CCDC171: variants seen among roughly 807,000 people sequenced by gnomAD.
CCDC171 encodes coiled-coil domain-containing protein 171.
A neutral mutation model predicts 168.2 loss-of-function variants in CCDC171; 177 were observed. The ratio of observed to expected loss-of-function variants is 1.05; its 90% CI spans 0.93 to 1.19. CCDC171 has a LOEUF of 1.19. Among genes scored for constraint, CCDC171 ranks in the 50% most tolerant of loss-of-function variants. The probability of loss-of-function intolerance (pLI) is 0.00; values close to 1 mark genes in which losing one functional copy is unlikely to be tolerated. For missense variants in CCDC171, 1,991 were observed against 1,539.0 expected (o/e 1.29, Z -4.91); for synonymous variants, 687 against 540.8 (o/e 1.27, Z -3.75).
chr9:15,854,844 T>C (rs1464119821), intron 23 of CCDC171, among the ~76,000 whole-genome samples: 5 of 151,778 alleles, frequency 3.3e-5, no homozygotes, highest in Non-Finnish European at 7.4e-5. Context: ...CTTCATTGAC[T>C]TGTTATTTAA....
At chr9:16,077,737 T>C in the CCDC171 span, among the ~76,000 whole-genome samples, 1 of 152,164 alleles carries the variant, frequency 6.6e-6, no homozygotes, top group African/African-American at 2.4e-5. Context: ...ACTGAGATTG[T>C]TTTTGTGTGT....
chr9:15,996,020 G>C (rs553035347), intron 3 of CCDC171, among the ~76,000 whole-genome samples: 2 of 152,200 alleles, frequency 1.3e-5, no homozygotes, highest in Admixed American at 1.3e-4. Context: ...GTCCTATACA[G>C]TGGTCATTCC....
At chr9:16,039,343 T>C (rs552814851), upstream of CCDC171, among the ~76,000 whole-genome samples, 1 of 152,346 alleles carries the variant, frequency 6.6e-6, no homozygotes, top group South Asian at 2.1e-4. Flanking sequence ...ACTGCTGTTA[T>C]GTAACTTGGC....
chr9:15,924,845 C>A (rs1409888547), intron 25 of CCDC171, among the ~76,000 whole-genome samples: 2 of 151,484 alleles, frequency 1.3e-5, no homozygotes, highest in Non-Finnish European at 3.0e-5. Context: ...TCCTTTCCAT[C>A]CCTTTCAATT....
chr9:15,943,172 T>G (rs568169529), intron 25 of CCDC171, among the ~76,000 whole-genome samples: 1 of 152,074 alleles, frequency 6.6e-6, no homozygotes, highest in Non-Finnish European at 1.5e-5. Flanking sequence ...TTGTCTTTAT[T>G]GTCACTGATA....
Position 15,920,433 on chromosome 9 carries a change from G to C in CCDC171, c.3753+11G>C. 2 of 1,576,036 alleles carry C rather than the reference G, an allele frequency of 1.3e-6. No homozygotes were observed. The highest frequency in any genetic ancestry group is 1.7e-6 in the Non-Finnish European group (2 of 1,156,404). On this transcript the variant is annotated intron_variant, in intron 25 of 25. Transcript: ENST00000380701. ...GCAAGTTTACAATCAGTAAGTCCTT[G>C]TCTAACAATATTTTTATAACTTTTT...
intron 6 of CCDC171, among the ~76,000 whole-genome samples, chr9:15,605,251 C>T (rs950688915): frequency 2.0e-5 from 3 of 151,990 alleles, no homozygotes; most frequent in Admixed American, 6.6e-5. Flanking sequence ...GACAGGTAAA[C>T]ACCTTAAGGA....
At chr9:16,018,696 A>G (rs1833091779) in intron 3 of CCDC171, among the ~76,000 whole-genome samples, 1 of 152,258 alleles carries the variant, frequency 6.6e-6, no homozygotes, top group Non-Finnish European at 1.5e-5. Flanking sequence ...GCTGTGCTCC[A>G]ACACAGTGGC....
At chr9:16,106,662 C>T in the CCDC171 span, among the ~76,000 whole-genome samples, 989 of 152,268 alleles carry the variant, frequency 6.5e-3, 14 homozygotes, top group African/African-American at 0.023. Context: ...TCAGATCTTC[C>T]GCCTAACAAG....
chr9:15,912,980 G>GAT (rs1563989576), intron 24 of CCDC171, among the ~76,000 whole-genome samples: 1 of 152,182 alleles, frequency 6.6e-6, no homozygotes, highest in African/African-American at 2.4e-5. Context: ...ATTCATCAGG[G>GAT]ATATTGGCTT....
chr9:15,788,807 C>T (rs2058100661), intron 21 of CCDC171, among the ~76,000 whole-genome samples: 1 of 152,176 alleles, frequency 6.6e-6, no homozygotes, highest in South Asian at 2.1e-4. Context: ...CTTGTCTTGG[C>T]CTCCCAAAGT....
intron 18 of CCDC171, among the ~76,000 whole-genome samples, chr9:15,760,965 A>G (rs1367120906): frequency 2.0e-5 from 3 of 152,206 alleles, no homozygotes; most frequent in Non-Finnish European, 4.4e-5. Flanking sequence ...TGTTACTTCC[A>G]CTGAAGGGTT....
intron 25 of CCDC171, among the ~76,000 whole-genome samples, chr9:15,926,248 C>T (rs1825876816): frequency 6.6e-6 from 1 of 151,590 alleles, no homozygotes; most frequent in South Asian, 2.1e-4. Context: ...ATGGATAGTA[C>T]ATATGTTTAA....
At position 15,695,321 on chromosome 9, in the gene CCDC171, G is replaced by A. The variant is rs527328493; in HGVS notation, c.1302G>A (p.Ser434=). Residue 434 remains serine, a synonymous_variant, in exon 11 of 26, where the codon TCG becomes TCA. Coordinates refer to ENST00000380701, the MANE Select transcript of CCDC171 (RefSeq NM_173550.4). The part of the protein sequence containing the change: ...LESILDSFTV[S]GQWTSGIHKD... ...CGATCTTGGACAGCTTTACTGTGTCGGGCCAGTGGACATCAGGTTAGTTGA... is the reference window on the plus strand; with the variant it reads ...CGATCTTGGACAGCTTTACTGTGTCAGGCCAGTGGACATCAGGTTAGTTGA... 1.2e-5 allele frequency: 20 copies of A among 1,613,412 alleles called. No homozygotes were observed. In the South Asian group the frequency reaches 1.6e-4, roughly 13 times the overall value.
chr9:15,602,633 TTTTTTTTTTTTTTC>T (rs1418352008), intron 6 of CCDC171, among the ~76,000 whole-genome samples: 42 of 34,232 alleles, frequency 1.2e-3, no homozygotes, highest in Middle Eastern at 0.016. Context: ...TTCTCATTTC[TTTTTTTTTTTTTTC>T]TTTTTTTTTT....
intron 24 of CCDC171, 132 bp downstream of exon 24, chr9:15,874,795 C>A: frequency 1.1e-6 from 1 of 895,888 alleles, no homozygotes; most frequent in Non-Finnish European, 1.6e-6. Context: ...CTTCATTTTT[C>A]TTCTATCATG....
At chr9:15,658,922 G>A (rs1407807880) in intron 8 of CCDC171, among the ~76,000 whole-genome samples, 2 of 152,132 alleles carry the variant, frequency 1.3e-5, no homozygotes, top group African/African-American at 4.8e-5. Flanking sequence ...AAGGTACAGG[G>A]GACAAACTGA....
intron 21 of CCDC171, among the ~76,000 whole-genome samples, chr9:15,837,345 G>T (rs1174334914): frequency 1.3e-5 from 2 of 152,142 alleles, no homozygotes; most frequent in Non-Finnish European, 2.9e-5. Flanking sequence ...GTTACAGAGG[G>T]ATCAGAAGTG....
intron 3 of CCDC171, among the ~76,000 whole-genome samples, chr9:16,012,401 C>A (rs935825122): frequency 5.3e-5 from 8 of 152,138 alleles, no homozygotes; most frequent in African/African-American, 1.2e-4. Context: ...TGTATTATTT[C>A]TTTGGTTGGT....
Sources: gnomAD v4.1 joint callset for allele counts (sites outside exome capture counted in the v4.1 genomes callset) on GRCh38, gnomAD v4.1.1 for gene constraint, MANE v1.5 for transcripts, NCBI Gene and HGNC (gene_info 2026-07-23, HGNC 2026-07-21) for gene names.